The following ZNF521 variants were observed in gnomAD, a reference collection of about 807,000 sequenced individuals.
ZNF521 encodes zinc finger protein 521, also known as LYST-interacting protein 3.
ZNF521 carries 14 observed loss-of-function variants against 105.5 expected under a neutral mutation model. That is an observed-to-expected ratio of 0.13 (90% CI 0.09 to 0.21). The LOEUF (loss-of-function observed/expected upper bound fraction) is 0.21. Ranked by LOEUF, ZNF521 falls within the 10% of genes least tolerant of loss-of-function variation. The pLI, the probability that ZNF521 is intolerant of heterozygous loss-of-function variation, is 1.00. For missense variants in ZNF521, 1,233 were observed against 1,629.7 expected (o/e 0.76, Z 4.19); for synonymous variants, 635 against 606.0 (o/e 1.05, Z -0.70).
intron 5 of ZNF521, among the ~76,000 whole-genome samples, chr18:25,192,070 A>C (rs1290784056): frequency 6.6e-6 from 1 of 152,186 alleles, no homozygotes; most frequent in Non-Finnish European, 1.5e-5. Flanking sequence ...TCTTTTCCCC[A>C]GGAAAGCTGT....
chr18:25,098,368 T>C (rs565855227), intron 5 of ZNF521, among the ~76,000 whole-genome samples: 31 of 152,198 alleles, frequency 2.0e-4, no homozygotes, highest in African/African-American at 7.0e-4. Context: ...AATCTAAACA[T>C]GGACCCCATG....
At chr18:25,319,314 CTG>C (rs1912807845) in intron 3 of ZNF521, among the ~76,000 whole-genome samples, 1 of 152,216 alleles carries the variant, frequency 6.6e-6, no homozygotes, top group African/African-American at 2.4e-5. Context: ...GTGAGCATGG[CTG>C]AGTGTGGTGG....
At chr18:25,351,865 G>C in intron 1 of ZNF521, 140 bp downstream of exon 1, 1 of 261,662 alleles carries the variant, frequency 3.8e-6, no homozygotes, top group Non-Finnish European at 7.6e-6. Context: ...TAAAGTCTAC[G>C]GCTGCCTCGG....
rs66794523 is a variant in ZNF521, at chr18:25,285,698, TCACACACACACA to T, written c.220+36298_220+36309del. 2.8e-3 allele frequency among the ~76,000 whole-genome samples: 418 copies of T among 147,102 alleles called. 5 individuals are homozygous for T. The highest frequency in any genetic ancestry group is 9.9e-3 in the African/African-American group (393 of 39,622). ...AGTTGCACTTCTCTCTCTCTCTCTCTCACACACACACACACACACACACACACACACACGTAC... is the reference window on the plus strand; with the variant it reads ...AGTTGCACTTCTCTCTCTCTCTCTCTCACACACACACACACACACACGTAC... On this transcript the variant is annotated intron_variant, in intron 3 of 7. Transcript: ENST00000361524.
chr18:25,146,333 TTC>T (rs1447848496), intron 5 of ZNF521, among the ~76,000 whole-genome samples: 2 of 152,162 alleles, frequency 1.3e-5, no homozygotes, highest in Non-Finnish European at 2.9e-5. Flanking sequence ...GAATATGCAA[TTC>T]CAGGAAATCA....
chr18:25,281,223 T>C (rs1320942282), intron 3 of ZNF521, among the ~76,000 whole-genome samples: 1 of 152,220 alleles, frequency 6.6e-6, no homozygotes, highest in Non-Finnish European at 1.5e-5. Flanking sequence ...TAGAAAATAA[T>C]GAGCAAAGCA....
At chr18:25,207,980 G>A (rs2036112470) in intron 4 of ZNF521, among the ~76,000 whole-genome samples, 1 of 152,182 alleles carries the variant, frequency 6.6e-6, no homozygotes, top group Non-Finnish European at 1.5e-5. Context: ...TGAAAGGTGA[G>A]AAGTGTTAAG....
At chr18:25,274,483 G>A (rs1186956756) in intron 3 of ZNF521, among the ~76,000 whole-genome samples, 1 of 152,074 alleles carries the variant, frequency 6.6e-6, no homozygotes, top group South Asian at 2.1e-4. Flanking sequence ...TAGATATGTG[G>A]TATTTATTAG....
intron 2 of ZNF521, among the ~76,000 whole-genome samples, chr18:25,330,671 T>C (rs1913517116): frequency 6.6e-6 from 1 of 152,216 alleles, no homozygotes; most frequent in African/African-American, 2.4e-5. Context: ...TTTAAATATA[T>C]CATTAACCAT....
intron 3 of ZNF521, among the ~76,000 whole-genome samples, chr18:25,243,641 T>C (rs184520497): frequency 9.3e-4 from 141 of 152,322 alleles, no homozygotes; most frequent in Middle Eastern, 3.4e-3. Flanking sequence ...CCTCAGAAGA[T>C]TGCTTAGATC....
intron 2 of ZNF521, among the ~76,000 whole-genome samples, chr18:25,348,969 C>T (rs1914581155): frequency 6.6e-6 from 1 of 152,148 alleles, no homozygotes; most frequent in Non-Finnish European, 1.5e-5. Context: ...ACCAAACTTT[C>T]GCTGTAAATT....
intron 7 of ZNF521, among the ~76,000 whole-genome samples, chr18:25,071,229 C>T (rs747176640): frequency 8.6e-5 from 13 of 152,014 alleles, no homozygotes; most frequent in East Asian, 1.9e-4. Context: ...TGCAGTAAAA[C>T]GTAGTCAATG....
chr18:25,261,884 G>A (rs1275603095), intron 3 of ZNF521, among the ~76,000 whole-genome samples: 1 of 152,124 alleles, frequency 6.6e-6, no homozygotes, highest in South Asian at 2.1e-4. Context: ...TGTGCGGAAG[G>A]ACTTGGGCAT....
intron 3 of ZNF521, among the ~76,000 whole-genome samples, chr18:25,308,459 T>C (rs1464285769): frequency 6.6e-6 from 1 of 152,210 alleles, no homozygotes; most frequent in African/African-American, 2.4e-5. Flanking sequence ...ATTCTCCATC[T>C]TACACATTTT....
intron 5 of ZNF521, among the ~76,000 whole-genome samples, chr18:25,119,668 C>T (rs1248105400): frequency 6.6e-6 from 1 of 151,964 alleles, no homozygotes; most frequent in Non-Finnish European, 1.5e-5. Flanking sequence ...TTACGGGATG[C>T]AGCTAACACA....
At chr18:25,265,043 C>T (rs558633900) in intron 3 of ZNF521, among the ~76,000 whole-genome samples, 1 of 152,244 alleles carries the variant, frequency 6.6e-6, no homozygotes, top group East Asian at 1.9e-4. Flanking sequence ...CAAAGCATAA[C>T]TATTATTATT....
chr18:25,156,533 AGACTG>A (rs2035148626), intron 5 of ZNF521, among the ~76,000 whole-genome samples: 1 of 152,264 alleles, frequency 6.6e-6, no homozygotes, highest in East Asian at 1.9e-4. Context: ...CAAAGTAGAA[AGACTG>A]GACCTGGTTT....
chr18:25,157,863 T>C (rs1360551812), intron 5 of ZNF521, among the ~76,000 whole-genome samples: 1 of 152,148 alleles, frequency 6.6e-6, no homozygotes, highest in Admixed American at 6.5e-5. Flanking sequence ...GTGATTCTCC[T>C]GCCTCAGCCT....
intron 5 of ZNF521, among the ~76,000 whole-genome samples, chr18:25,093,970 A>G (rs71360592): frequency 0.05 from 7,659 of 152,288 alleles, 248 homozygotes; most frequent in East Asian, 0.14. Flanking sequence ...CTAACTTTAA[A>G]AGTTCTCTAT....
Sources: gnomAD v4.1 joint callset for allele counts (sites outside exome capture counted in the v4.1 genomes callset) on GRCh38, gnomAD v4.1.1 for gene constraint, MANE v1.5 for transcripts, NCBI Gene and HGNC (gene_info 2026-07-23, HGNC 2026-07-21) for gene names.